The following CD180 variants were observed in gnomAD, a reference collection of about 807,000 sequenced individuals.
The protein encoded by CD180 is CD180 antigen.
In CD180, 11 loss-of-function variants were observed where a neutral mutation model predicts 10.7. The ratio of observed to expected loss-of-function variants is 1.03; its 90% confidence interval spans 0.65 to 1.70. The LOEUF (loss-of-function observed/expected upper bound fraction) is 1.70. Among genes scored for constraint, CD180 ranks in the 40% most tolerant of loss-of-function variants. The probability of loss-of-function intolerance (pLI) is 0.00; values close to 1 mark genes in which losing one functional copy is unlikely to be tolerated. For synonymous variants in CD180, 286 were observed against 294.6 expected, an observed-to-expected ratio of 0.97 and a Z score of 0.30; for missense variants, 729 against 775.2, an observed-to-expected ratio of 0.94 and a Z score of 0.71.
intron 1 of CD180, among the ~76,000 whole-genome samples, chr5:67,194,785 A>G (rs1742369368): frequency 6.6e-6 from 1 of 151,774 alleles, no homozygotes; most frequent in South Asian, 2.1e-4. Context: ...GAAATGTCTT[A>G]CTCTTCTCCT....
chr5:67,185,800 T>C, intron 2 of CD180, 51 bp downstream of exon 2: 1 of 1,392,022 alleles, frequency 7.2e-7, no homozygotes, highest in South Asian at 1.6e-5. Context: ...GCACATACTG[T>C]ATTTTAACTT....
intron 1 of CD180, among the ~76,000 whole-genome samples, chr5:67,195,385 A>T (rs1581831880): frequency 6.6e-6 from 1 of 152,018 alleles, no homozygotes; most frequent in Admixed American, 6.5e-5. Flanking sequence ...CCCAGCTAAT[A>T]TTTGTATTTT....
intron 1 of CD180, among the ~76,000 whole-genome samples, chr5:67,188,168 C>A (rs987860306): frequency 1.8e-4 from 26 of 146,328 alleles, no homozygotes; most frequent in African/African-American, 6.3e-4. Context: ...GACTCTGCCT[C>A]AAAAAGAAAA....
chr5:67,189,456 A>T (rs5744496), intron 1 of CD180, among the ~76,000 whole-genome samples: 2 of 152,118 alleles, frequency 1.3e-5, no homozygotes, highest in Non-Finnish European at 2.9e-5. Flanking sequence ...AGGCCACCAT[A>T]AGCCTGTGCC....
intron 1 of CD180, among the ~76,000 whole-genome samples, chr5:67,189,913 T>G (rs1053978902): frequency 6.6e-6 from 1 of 152,204 alleles, no homozygotes; most frequent in Non-Finnish European, 1.5e-5. Context: ...ATTATGAAAT[T>G]CAAGATATTT....
At position 67,183,614 on chromosome 5, in the gene CD180, C is replaced by G. The variant is rs764453962; in HGVS notation, c.1229G>C (p.Gly410Ala). 47 of 1,614,022 alleles carry G rather than the reference C, an allele frequency of 2.9e-5. No individual in the cohort carries two copies. The highest frequency in any genetic ancestry group is 1.6e-4 in the Middle Eastern group (1 of 6,084). Reference sequence around the variant, plus strand: ...TTCTTTGAATGCCTGACTCTGGAGACCAAGAGGCTCATTGTGGCTCAGGTT... The same window carrying G: ...TTCTTTGAATGCCTGACTCTGGAGAGCAAGAGGCTCATTGTGGCTCAGGTT... Reference protein sequence around the residue: ...TLNLSHNEPLGLQSQAFKECP... With the variant: ...TLNLSHNEPLALQSQAFKECP... The change falls in exon 3 of 3, where the codon GGT (glycine) becomes GCT (alanine). Residue 410 changes from glycine to alanine, a missense_variant. Coordinates refer to ENST00000256447, the MANE Select transcript of CD180 (RefSeq NM_005582.3).
At chr5:67,187,893 C>T (rs747921247) in intron 1 of CD180, among the ~76,000 whole-genome samples, 5 of 152,076 alleles carry the variant, frequency 3.3e-5, no homozygotes, top group Admixed American at 6.6e-5. Flanking sequence ...GGTTAGTTAT[C>T]GCGGGACTGG....
chr5:67,183,243 A>T lies in CD180; in HGVS notation c.1600T>A (p.Cys534Ser). 1 of 1,614,150 alleles carries T rather than the reference A, an allele frequency of 6.2e-7. No individual in the cohort carries two copies. Among genetic ancestry groups the T allele is most frequent in the Admixed American group, 1.7e-5 (1 of 60,018 alleles). ...HVDLSHNSLT[C>S]DSIDSLSHLK... is the part of the protein sequence containing the mutation. The stretch of plus-strand genomic sequence containing the variant: ...TGGCTAAGAGAATCAATGCTGTCGC[A>T]TGTCAGGCTGTTGTGGCTTAAGTCT... Residue 534 changes from cysteine to serine, a missense_variant, in exon 3 of 3, where the codon TGC becomes AGC. Physicochemically the swap from Cys to Ser is moderately radical, Grantham distance 112. Transcript: ENST00000256447.
chr5:67,180,976 G>A lies in CD180; in HGVS notation c.*1881C>T, dbSNP rs10037350. The A allele has an allele frequency of 0.045, 6,764 of 151,624 alleles. 152 individuals are homozygous for A. The highest frequency in any genetic ancestry group is 0.049 in the Non-Finnish European group (3,330 of 67,994). The allele number at this position is 151,624 out of a possible 1,614,324, so 9.4% of individuals were successfully genotyped here. A position where few individuals can be genotyped will look rare whatever the true frequency, so the allele number is the denominator to read the frequency against. ...ATTGCACTATAGCACTCCAGCCTGG[G>A]CGACAGAGCAAGAATCAGTCTCAAA... On this transcript the variant is annotated 3_prime_UTR_variant, in exon 3 of 3. Coordinates refer to ENST00000256447, the MANE Select transcript of CD180 (RefSeq NM_005582.3).
Position 67,183,542 on chromosome 5 carries a change from A to G in CD180, c.1301T>C (p.Ile434Thr). Residue 434 changes from isoleucine (I) to threonine (T), a missense_variant, in exon 3 of 3, where the codon ATT becomes ACT. Ile to Thr is a moderately conservative substitution (Grantham distance 89). Transcript: ENST00000256447. ...LLDLAFTRLH[I>T]NAPQSPFQNL... ...TTGGAAGGGACTTTGTGGAGCATTA[A>G]TGTGTAAGCGGGTAAATGCCAAATC... 1 of 1,614,220 alleles carries G rather than the reference A, an allele frequency of 6.2e-7. No homozygotes were observed.
chr5:67,191,527 G>A (rs542041223), intron 1 of CD180, among the ~76,000 whole-genome samples: 1 of 152,296 alleles, frequency 6.6e-6, no homozygotes, highest in East Asian at 1.9e-4. Flanking sequence ...ACAGTTTTGA[G>A]GGAAAAGGAT....
rs1581823460 is a variant in CD180 at position 67,183,939 on chromosome 5, C to A, written c.904G>T (p.Glu302Ter). 1.9e-6 allele frequency: 3 copies of A among 1,614,172 alleles called. No individual in the cohort carries two copies. The East Asian group carries it at 6.7e-5, about 36-fold the overall frequency. Residue 302 changes from glutamate (E) to a stop codon, truncating the protein, a stop_gained, in exon 3 of 3, where the codon GAA becomes TAA. Transcript: ENST00000256447. LOFTEE classifies it low-confidence loss of function (END_TRUNC). Reference sequence around the variant, plus strand: ...AAGTGAGTTGCTGTCAGATCCAATTCTTGGAGTTGGGTGAAGCACTGAAAT... The same window carrying A: ...AAGTGAGTTGCTGTCAGATCCAATTATTGGAGTTGGGTGAAGCACTGAAAT... ...TTFQCFTQLQ[E>*]LDLTATHLKG...
chr5:67,184,308 C>G lies in CD180; in HGVS notation c.535G>C (p.Asp179His), dbSNP rs769623908. ...DFPARNLKVL[D>H]FQNNAIHYIS... ...TAGTGTATAGCATTATTCTGAAAAT[C>G]CAGTACTTTCAGATTCCGTGCTGGG... The change falls in exon 3 of 3, where the codon GAT becomes CAT. Residue 179 changes from aspartate (D) to histidine (H), a missense_variant. Coordinates refer to ENST00000256447, the MANE Select transcript of CD180 (RefSeq NM_005582.3). The G allele has an allele frequency of 6.2e-7, 1 of 1,614,128 alleles. No homozygotes were observed. Among genetic ancestry groups the G allele is most frequent in the South Asian group, 1.1e-5 (1 of 91,080 alleles).
At position 67,182,870 on chromosome 5, in the gene CD180, T is replaced by C. The variant is rs565546385; in HGVS notation, c.1973A>G (p.Tyr658Cys). 2.5e-6 allele frequency: 4 copies of C among 1,603,216 alleles called. No homozygotes were observed. Among genetic ancestry groups the C allele is most frequent in the East Asian group, 4.5e-5 (2 of 44,766 alleles). ...AAACCTTCAGCACTAAATGTGTTGG[T>C]ATTTCCACCTGAGAAGGTATTTAAC... ...FAVKYLLRWKYQHI is the reference protein window; with the variant it reads ...FAVKYLLRWKCQHI Residue 658 changes from tyrosine to cysteine, a missense_variant, in exon 3 of 3, where the codon TAC becomes TGC. Coordinates refer to ENST00000256447, the MANE Select transcript of CD180 (RefSeq NM_005582.3).
chr5:67,187,954 G>A lies in CD180; in HGVS notation c.91-1937C>T, dbSNP rs536942883. Among the ~76,000 whole-genome samples, 11 of 152,236 alleles carry A rather than the reference G, an allele frequency of 7.2e-5. 1 individual carries two copies. The South Asian group carries it at 1.9e-3, about 26-fold the overall frequency. ...TGGGTGGCCGAGGTAGGCAGATCAC[G>A]AGGTCAGGAGTTCAAGACCATCCTG... On this transcript the variant is annotated intron_variant, in intron 1 of 2. Transcript: ENST00000256447.
In CD180 at chr5:67,184,300, C is replaced by T; in HGVS notation, c.543G>A (p.Gln181=). The change falls in exon 3 of 3, where the codon CAG becomes CAA. Residue 181 remains glutamine, a synonymous_variant. Coordinates refer to ENST00000256447, the MANE Select transcript of CD180 (RefSeq NM_005582.3). The stretch of plus-strand genomic sequence containing the variant: ...TAGAGATGTAGTGTATAGCATTATT[C>T]TGAAAATCCAGTACTTTCAGATTCC... ...PARNLKVLDF[Q]NNAIHYISRE... is the part of the protein sequence containing the mutation. 6.2e-7 allele frequency: 1 copy of T among 1,614,188 alleles called. No individual in the cohort carries two copies. Among genetic ancestry groups the T allele is most frequent in the Non-Finnish European group, 8.5e-7 (1 of 1,180,028 alleles).
intron 2 of CD180, 123 bp from the exon 3 acceptor site, chr5:67,184,708 CA>C (rs2151165911): frequency 1.3e-6 from 1 of 776,234 alleles, no homozygotes; most frequent in African/African-American, 1.7e-5. Flanking sequence ...GAACTTTCTT[CA>C]ATATCAACAG....
intron 2 of CD180, 80 bp downstream of exon 2, chr5:67,185,770 AG>A (rs1389308478): frequency 1.9e-6 from 2 of 1,076,548 alleles, no homozygotes; most frequent in Middle Eastern, 3.2e-4. Flanking sequence ...CCCCCCAAAA[AG>A]GTCCTGCAAA....
rs1435605325 is a variant in CD180 at position 67,183,732 on chromosome 5, T to A, written c.1111A>T (p.Asn371Tyr). ...TGGCTTAAATCAAGTGTCTGAAGGT[T>A]TCCTAGTTTCTCCAAGCAGCCAACA... ...LGVGCLEKLG[N>Y]LQTLDLSHND... is the part of the protein sequence containing the mutation. Residue 371 changes from asparagine (N) to tyrosine (Y), a missense_variant, in exon 3 of 3, where the codon AAC becomes TAC. Coordinates refer to ENST00000256447, the MANE Select transcript of CD180 (RefSeq NM_005582.3). 1.2e-5 allele frequency: 20 copies of A among 1,614,026 alleles called. No homozygotes were observed. Among genetic ancestry groups the A allele is most frequent in the Non-Finnish European group, 1.6e-5 (19 of 1,180,028 alleles).
Sources: gnomAD v4.1 joint callset for allele counts (sites outside exome capture counted in the v4.1 genomes callset) on GRCh38, gnomAD v4.1.1 for gene constraint, MANE v1.5 for transcripts, NCBI Gene and HGNC (gene_info 2026-07-23, HGNC 2026-07-21) for gene names.